FTCDNL1: variants seen among roughly 807,000 people sequenced by gnomAD.
FTCDNL1 encodes the protein formiminotransferase cyclodeaminase N-terminal like, also known as formiminotransferase N-terminal subdomain-containing protein.
Under a neutral mutation model 5.9 loss-of-function variants are expected in FTCDNL1, and 11 were observed. That is an observed-to-expected ratio of 1.87 (90% CI 1.18 to 3.10). FTCDNL1 has a LOEUF of 3.10. Ranked by LOEUF, FTCDNL1 falls within the 30% of genes most tolerant of loss-of-function variation. FTCDNL1 has a pLI of 0.00. For missense variants in FTCDNL1, 115 were observed against 65.5 expected, an observed-to-expected ratio of 1.76 and a Z score of -2.61; for synonymous variants, 58 against 24.8, an observed-to-expected ratio of 2.34 and a Z score of -3.99.
At chr2:199,825,439 G>A (rs1014652388) in intron 3 of FTCDNL1, among the ~76,000 whole-genome samples, 11 of 152,186 alleles carry the variant, frequency 7.2e-5, no homozygotes, top group African/African-American at 2.7e-4. Context: ...TAATGTTTAG[G>A]TAGTGATATA....
the FTCDNL1 span, among the ~76,000 whole-genome samples, chr2:199,673,012 G>A: frequency 2.6e-5 from 4 of 152,074 alleles, no homozygotes; most frequent in Admixed American, 6.6e-5. Flanking sequence ...TCAGGGAGAC[G>A]TGAGTGTCAA....
chr2:199,824,739 G>A (rs1037931193), intron 3 of FTCDNL1, among the ~76,000 whole-genome samples: 8 of 152,190 alleles, frequency 5.3e-5, no homozygotes, highest in Non-Finnish European at 1.0e-4. Flanking sequence ...GGAACAGCCA[G>A]TCGATGAAGC....
chr2:199,734,181 G>A, the FTCDNL1 span, among the ~76,000 whole-genome samples: 1 of 152,184 alleles, frequency 6.6e-6, no homozygotes, highest in African/African-American at 2.4e-5. Flanking sequence ...GGCAGGTCTG[G>A]AAAGCAGAAT....
chr2:199,714,118 G>A, the FTCDNL1 span, among the ~76,000 whole-genome samples: 1 of 152,172 alleles, frequency 6.6e-6, no homozygotes, highest in African/African-American at 2.4e-5. Flanking sequence ...ATGAAATTCA[G>A]ACTAGTGATT....
chr2:199,801,228 A>C (rs1281375860), intron 3 of FTCDNL1, among the ~76,000 whole-genome samples: 1 of 152,162 alleles, frequency 6.6e-6, no homozygotes, highest in Non-Finnish European at 1.5e-5. Context: ...ACTTCACTAG[A>C]CACGGATGTG....
the FTCDNL1 span, among the ~76,000 whole-genome samples, chr2:199,731,496 A>C: frequency 2.0e-5 from 3 of 152,222 alleles, no homozygotes; most frequent in African/African-American, 7.2e-5. Context: ...GCACCCTCAC[A>C]TATCACTCAT....
At chr2:199,813,912 CAAAAAAAAAAAAAAAAAAA>C (rs397987315) in intron 4 of FTCDNL1, among the ~76,000 whole-genome samples, 2 of 106,384 alleles carry the variant, frequency 1.9e-5, no homozygotes, top group African/African-American at 7.5e-5. Flanking sequence ...GACTCTGTCT[CAAAAAAAAAAAAAAAAAAA>C]AAAAAAAAAA....
chr2:199,753,506 A>T, the FTCDNL1 span, among the ~76,000 whole-genome samples: 1 of 152,226 alleles, frequency 6.6e-6, no homozygotes, highest in Non-Finnish European at 1.5e-5. Flanking sequence ...ATCCTGATTT[A>T]TATATATTTT....
chr2:199,668,653 C>T, the FTCDNL1 span, among the ~76,000 whole-genome samples: 1 of 151,930 alleles, frequency 6.6e-6, no homozygotes, highest in East Asian at 1.9e-4. Context: ...TGTTTGTCAC[C>T]CCAGTCAGTT....
chr2:199,815,384 C>A (rs1308670677), intron 4 of FTCDNL1, among the ~76,000 whole-genome samples: 1 of 152,116 alleles, frequency 6.6e-6, no homozygotes, highest in Admixed American at 6.5e-5. Flanking sequence ...TGGTACTGTG[C>A]AAATTAATTT....
chr2:199,722,165 A>G, the FTCDNL1 span, among the ~76,000 whole-genome samples: 1 of 151,982 alleles, frequency 6.6e-6, no homozygotes, highest in African/African-American at 2.4e-5. Context: ...CTTTTGTTGC[A>G]ATTGCTTTTG....
chr2:199,739,282 C>T, the FTCDNL1 span, among the ~76,000 whole-genome samples: 1 of 152,212 alleles, frequency 6.6e-6, no homozygotes, highest in Non-Finnish European at 1.5e-5. Context: ...TTTCCCTACC[C>T]TCTACCACTT....
chr2:199,842,109 A>C (rs2076605294), intron 3 of FTCDNL1, among the ~76,000 whole-genome samples: 1 of 151,780 alleles, frequency 6.6e-6, no homozygotes, highest in Non-Finnish European at 1.5e-5. Context: ...AAATACAAAA[A>C]AAAAAACAAT....
At chr2:199,774,711 C>T (rs893238203) in intron 3 of FTCDNL1, among the ~76,000 whole-genome samples, 1 of 151,954 alleles carries the variant, frequency 6.6e-6, no homozygotes, top group African/African-American at 2.4e-5. Context: ...GAGACTTCAA[C>T]CTTCTATGGA....
At chr2:199,765,971 C>T (rs969280276) in intron 3 of FTCDNL1, among the ~76,000 whole-genome samples, 1 of 152,126 alleles carries the variant, frequency 6.6e-6, no homozygotes, top group Non-Finnish European at 1.5e-5. Flanking sequence ...TACAGGTCCA[C>T]ACACATAGGC....
At chr2:199,803,185 C>T (rs1415544248) in intron 3 of FTCDNL1, among the ~76,000 whole-genome samples, 3 of 119,630 alleles carry the variant, frequency 2.5e-5, no homozygotes, top group Non-Finnish European at 3.5e-5. Flanking sequence ...TGGAGGAATA[C>T]CGTCTCAAAA....
At chr2:199,743,763 CACT>C in the FTCDNL1 span, among the ~76,000 whole-genome samples, 2 of 152,108 alleles carry the variant, frequency 1.3e-5, no homozygotes, top group Non-Finnish European at 2.9e-5. Context: ...GTTCTTCTAA[CACT>C]ACATTTCCAG....
At chr2:199,808,855 T>A (rs991116584), downstream of FTCDNL1, among the ~76,000 whole-genome samples, 8 of 152,236 alleles carry the variant, frequency 5.3e-5, no homozygotes, top group African/African-American at 1.9e-4. Context: ...TCATAGCTAA[T>A]GAAATTATGG....
In FTCDNL1 at chr2:199,831,853, T is replaced by C. The variant is rs1446779350; in HGVS notation, c.212-12096A>G. Among the ~76,000 whole-genome samples the C allele has an allele frequency of 2.0e-5, 3 of 152,296 alleles. No individual in the cohort carries two copies. The East Asian group carries it at 5.8e-4, about 29-fold the overall frequency. ...GTGAGGATTCTTTGTTCTATTACTGTCTTGATAGAAAAAACTACAAGTGAG... is the reference window on the plus strand; with the variant it reads ...GTGAGGATTCTTTGTTCTATTACTGCCTTGATAGAAAAAACTACAAGTGAG... On this transcript the variant is annotated intron_variant, in intron 3 of 4. Coordinates refer to ENST00000420128, the MANE Select transcript of FTCDNL1 (RefSeq NM_001363886.2).
Sources: gnomAD v4.1 joint callset for allele counts (sites outside exome capture counted in the v4.1 genomes callset) on GRCh38, gnomAD v4.1.1 for gene constraint, MANE v1.5 for transcripts, NCBI Gene and HGNC (gene_info 2026-07-23, HGNC 2026-07-21) for gene names.